F13A1: variants seen among roughly 807,000 people sequenced by gnomAD.
The protein encoded by F13A1 is FSF, A subunit.
In F13A1, 47 loss-of-function variants were observed where a neutral mutation model predicts 80.1. The observed-to-expected ratio is 0.59, with a 90% CI of 0.46 to 0.75. The LOEUF (loss-of-function observed/expected upper bound fraction) is 0.75, where lower values mean the gene tolerates loss of function less well. Among genes scored for constraint, F13A1 ranks in the 30% least tolerant of loss-of-function variants. The pLI is 0.00. For synonymous variants in F13A1, 349 were observed against 344.9 expected (o/e 1.01, Z -0.13); for missense variants, 817 against 930.4 (o/e 0.88, Z 1.59).
chr6:6,190,784 T>A (rs1761174964), intron 10 of F13A1, among the ~76,000 whole-genome samples: 1 of 152,162 alleles, frequency 6.6e-6, no homozygotes, highest in Admixed American at 6.5e-5. Flanking sequence ...TTTGTTTACC[T>A]AAGCAAGCCT....
At chr6:6,266,308 T>C (rs1757843570) in intron 4 of F13A1, among the ~76,000 whole-genome samples, 1 of 152,208 alleles carries the variant, frequency 6.6e-6, no homozygotes, top group Non-Finnish European at 1.5e-5. Context: ...CATTGCTCAC[T>C]GTAACCTCCA....
rs149300702 is a variant in F13A1 at position 6,205,461 on chromosome 6, A to G, written c.1113-8135T>C. Among the ~76,000 whole-genome samples, 1,362 of 152,350 alleles carry G rather than the reference A, an allele frequency of 8.9e-3. 15 individuals are homozygous for G. The highest frequency in any genetic ancestry group is 0.04 in the South Asian group (191 of 4,826). On this transcript the variant is annotated intron_variant, in intron 8 of 14. Coordinates refer to ENST00000264870, the MANE Select transcript of F13A1 (RefSeq NM_000129.4). ...GATACCAGTCCAGATGTCCTCACTC[A>G]CATACACACTACAGGAGTACTGAAC...
chr6:6,285,208 C>T (rs935914162), intron 3 of F13A1, among the ~76,000 whole-genome samples: 3 of 152,298 alleles, frequency 2.0e-5, no homozygotes, highest in Admixed American at 1.3e-4. Flanking sequence ...GAGATCACGC[C>T]ACTGCACTCC....
chr6:6,231,005 CA>C (rs1757343726), intron 6 of F13A1, among the ~76,000 whole-genome samples: 1 of 152,120 alleles, frequency 6.6e-6, no homozygotes, highest in East Asian at 1.9e-4. Context: ...TGTAATATGA[CA>C]AAACAAGGCT....
intron 3 of F13A1, among the ~76,000 whole-genome samples, chr6:6,271,834 T>C (rs1214434178): frequency 2.0e-5 from 3 of 152,374 alleles, no homozygotes; most frequent in East Asian, 3.9e-4. Context: ...CATATGCCTA[T>C]ATTCGAATGT....
intron 13 of F13A1, among the ~76,000 whole-genome samples, chr6:6,161,827 A>G (rs6928884): frequency 0.54 from 82,405 of 151,840 alleles, 23,334 homozygotes; most frequent in African/African-American, 0.72. Context: ...AGGGACCAGT[A>G]AAATCCACGA....
At chr6:6,295,589 GTTGT>G (rs1364471187) in intron 3 of F13A1, among the ~76,000 whole-genome samples, 16 of 143,786 alleles carry the variant, frequency 1.1e-4, no homozygotes, top group South Asian at 2.1e-4. Context: ...TTTTGATGGG[GTTGT>G]TTGTTTTTTT....
At chr6:6,217,535 G>T (rs1397499907) in intron 8 of F13A1, among the ~76,000 whole-genome samples, 1 of 115,982 alleles carries the variant, frequency 8.6e-6, no homozygotes, top group Non-Finnish European at 1.7e-5. Context: ...TTGTGGGGTG[G>T]GGGGAGGGGG....
intron 2 of F13A1, among the ~76,000 whole-genome samples, chr6:6,312,947 C>G (rs1043347822): frequency 6.6e-6 from 1 of 152,088 alleles, no homozygotes; most frequent in African/African-American, 2.4e-5. Context: ...CAGCCACACA[C>G]AGGTCAACCA....
chr6:6,310,717 T>C (rs769806576), intron 2 of F13A1, among the ~76,000 whole-genome samples: 5 of 152,218 alleles, frequency 3.3e-5, no homozygotes, highest in Non-Finnish European at 7.3e-5. Flanking sequence ...CCGAGTGCTC[T>C]ATCCTAGGGC....
At chr6:6,251,541 AT>A (rs1185472707) in intron 4 of F13A1, among the ~76,000 whole-genome samples, 1 of 152,086 alleles carries the variant, frequency 6.6e-6, no homozygotes, top group Non-Finnish European at 1.5e-5. Context: ...TGTGGCTAGA[AT>A]TTCAGGAGGA....
intron 4 of F13A1, among the ~76,000 whole-genome samples, chr6:6,255,350 C>T (rs537138942): frequency 6.6e-6 from 1 of 152,184 alleles, no homozygotes; most frequent in East Asian, 1.9e-4. Context: ...AGGAAAGTAG[C>T]CCCATTTCAC....
At chr6:6,186,508 G>A (rs937531699) in intron 10 of F13A1, among the ~76,000 whole-genome samples, 6 of 152,098 alleles carry the variant, frequency 3.9e-5, no homozygotes, top group Non-Finnish European at 7.4e-5. Flanking sequence ...GTTTTTGTCA[G>A]GTTTGTCAAA....
chr6:6,268,993 T>C (rs955357527), intron 3 of F13A1, among the ~76,000 whole-genome samples: 8 of 150,942 alleles, frequency 5.3e-5, no homozygotes, highest in Admixed American at 3.9e-4. Context: ...GCCTGGCAAA[T>C]TGTTTTTTTT....
intron 6 of F13A1, among the ~76,000 whole-genome samples, chr6:6,225,485 C>CT (rs890050953): frequency 1.3e-5 from 2 of 151,720 alleles, no homozygotes; most frequent in African/African-American, 4.8e-5. Flanking sequence ...GTTTTTGTTT[C>CT]TTTTTTCTTT....
At chr6:6,187,352 G>T (rs1277259431) in intron 10 of F13A1, among the ~76,000 whole-genome samples, 1 of 70,000 alleles carries the variant, frequency 1.4e-5, no homozygotes, top group East Asian at 3.6e-4. Context: ...GATATTGGCT[G>T]TGGGTTTGTC....
Position 6,237,692 on chromosome 6 carries a change from T to C in F13A1, c.798+10620A>G, listed in dbSNP as rs552010367. Among the ~76,000 whole-genome samples the C allele has an allele frequency of 2.6e-5, 4 of 152,364 alleles. No individual in the cohort carries two copies. The South Asian group carries it at 6.2e-4, about 24-fold the overall frequency. ...TCACATAGTACTCTTTGCATAGTAC[T>C]ATCCATTTATCACATTGTATTGTGT... is the stretch of plus-strand genomic sequence containing the variant. On this transcript the variant is annotated intron_variant, in intron 6 of 14. Transcript: ENST00000264870.
intron 8 of F13A1, among the ~76,000 whole-genome samples, chr6:6,210,229 A>G (rs1408952982): frequency 6.7e-6 from 1 of 149,886 alleles, no homozygotes; most frequent in Non-Finnish European, 1.5e-5. Context: ...CTGTCTCAAA[A>G]TAATAATAAT....
intron 10 of F13A1, among the ~76,000 whole-genome samples, chr6:6,184,905 A>G (rs1184079936): frequency 6.6e-6 from 1 of 152,128 alleles, no homozygotes; most frequent in Admixed American, 6.5e-5. Flanking sequence ...TATTCTTTCC[A>G]AGCGACATTA....
Sources: allele counts gnomAD v4.1 joint callset (sites outside exome capture counted in the v4.1 genomes callset), GRCh38; gene constraint gnomAD v4.1.1; transcripts MANE v1.5; gene names NCBI Gene and HGNC (gene_info 2026-07-23, HGNC 2026-07-21).